PRKN: variants seen among roughly 807,000 people sequenced by gnomAD.
PRKN encodes the protein parkin RBR E3 ubiquitin protein ligase, also known as E3 ubiquitin-protein ligase parkin.
Under a neutral mutation model 59.5 loss-of-function variants are expected in PRKN, and 56 were observed. The ratio of observed to expected loss-of-function variants is 0.94; its 90% CI spans 0.76 to 1.18. The LOEUF (loss-of-function observed/expected upper bound fraction) is 1.18, where lower values mean the gene tolerates loss of function less well. Among genes scored for constraint, PRKN ranks in the 50% most tolerant of loss-of-function variants. The pLI is 0.00. For synonymous variants in PRKN, 250 were observed against 222.1 expected, an observed-to-expected ratio of 1.13 and a Z score of -1.12; for missense variants, 657 against 596.4, an observed-to-expected ratio of 1.10 and a Z score of -1.06.
intron 4 of PRKN, among the ~76,000 whole-genome samples, chr6:162,082,367 T>C (rs1034769609): frequency 2.0e-5 from 3 of 152,072 alleles, no homozygotes; most frequent in Non-Finnish European, 4.4e-5. Flanking sequence ...TTGCCTAGTC[T>C]CAGGTATATC....
intron 3 of PRKN, among the ~76,000 whole-genome samples, chr6:162,255,387 A>C (rs897842660): frequency 3.3e-5 from 5 of 152,230 alleles, no homozygotes; most frequent in African/African-American, 1.2e-4. Context: ...ATCTGACATC[A>C]ACTTCATGAG....
At chr6:162,018,180 C>A (rs1783000405) in intron 5 of PRKN, among the ~76,000 whole-genome samples, 1 of 152,156 alleles carries the variant, frequency 6.6e-6, no homozygotes, top group African/African-American at 2.4e-5. Flanking sequence ...GCGCCCATCG[C>A]CATGCCCGGC....
chr6:162,488,829 G>A (rs1231159442), intron 1 of PRKN, among the ~76,000 whole-genome samples: 1 of 152,134 alleles, frequency 6.6e-6, no homozygotes, highest in Admixed American at 6.5e-5. Context: ...GTCAAGCAAT[G>A]AAAGGGTCCT....
At chr6:162,033,747 T>C (rs1783729841) in intron 5 of PRKN, among the ~76,000 whole-genome samples, 1 of 152,208 alleles carries the variant, frequency 6.6e-6, no homozygotes, top group South Asian at 2.1e-4. Context: ...TTTGGAAAAC[T>C]GTGTGAGTTA....
chr6:161,750,355 A>G (rs1788634817), intron 7 of PRKN, among the ~76,000 whole-genome samples: 3 of 152,070 alleles, frequency 2.0e-5, no homozygotes, highest in Non-Finnish European at 2.9e-5. Flanking sequence ...ATTGACATCT[A>G]TTTCTGAATA....
chr6:162,235,970 A>AAAGG (rs1212175472), intron 3 of PRKN, among the ~76,000 whole-genome samples: 2 of 69,170 alleles, frequency 2.9e-5, no homozygotes, highest in Admixed American at 1.5e-4. Flanking sequence ...AGAAAGAAAG[A>AAAGG]AAGAAAGAAA....
chr6:162,362,934 C>T (rs2128134399), intron 2 of PRKN, among the ~76,000 whole-genome samples: 1 of 151,880 alleles, frequency 6.6e-6, no homozygotes, highest in South Asian at 2.1e-4. Flanking sequence ...CGAGACCATC[C>T]TGACTAACAC....
intron 2 of PRKN, among the ~76,000 whole-genome samples, chr6:162,287,055 C>G (rs1295713300): frequency 6.6e-6 from 1 of 152,164 alleles, no homozygotes; most frequent in Non-Finnish European, 1.5e-5. Context: ...TTAAGATGAA[C>G]CCTCCAATTC....
intron 1 of PRKN, among the ~76,000 whole-genome samples, chr6:162,635,490 C>G (rs1444515581): frequency 6.6e-6 from 1 of 152,120 alleles, no homozygotes. Flanking sequence ...GTTAGTGTTT[C>G]TGATGCCATT....
intron 9 of PRKN, among the ~76,000 whole-genome samples, chr6:161,430,123 G>A (rs570284452): frequency 3.9e-5 from 6 of 152,290 alleles, no homozygotes; most frequent in South Asian, 2.1e-4. Flanking sequence ...ATAATGGGCC[G>A]TGAGCAGGAC....
At chr6:161,680,821 A>T (rs1785333708) in intron 7 of PRKN, among the ~76,000 whole-genome samples, 2 of 142,886 alleles carry the variant, frequency 1.4e-5, no homozygotes, top group Non-Finnish European at 3.0e-5. Context: ...AAAGGTACTA[A>T]GCAGCTTACT....
intron 7 of PRKN, among the ~76,000 whole-genome samples, chr6:161,668,771 G>A (rs1784809378): frequency 6.6e-6 from 1 of 152,172 alleles, no homozygotes; most frequent in African/African-American, 2.4e-5. Context: ...ACAATCCTAT[G>A]GCGCAGGAAG....
At chr6:162,269,781 A>G (rs1452992689) in intron 2 of PRKN, among the ~76,000 whole-genome samples, 1 of 152,168 alleles carries the variant, frequency 6.6e-6, no homozygotes, top group African/African-American at 2.4e-5. Context: ...GTTTAATATC[A>G]CTAGTGATCA....
intron 2 of PRKN, among the ~76,000 whole-genome samples, chr6:162,424,536 C>G (rs530578180): frequency 1.1e-4 from 16 of 151,980 alleles, no homozygotes; most frequent in African/African-American, 3.4e-4. Context: ...GAGTTCAAGA[C>G]CAGCCTGGCC....
At chr6:162,338,975 C>T (rs1248970935) in intron 2 of PRKN, among the ~76,000 whole-genome samples, 1 of 150,932 alleles carries the variant, frequency 6.6e-6, no homozygotes, top group Non-Finnish European at 1.5e-5. Context: ...GCGTCTCTGC[C>T]CGGCCACCCT....
At chr6:162,695,080 TGAG>T (rs1777919821) in intron 1 of PRKN, 1 of 152,156 alleles carries the variant, frequency 6.6e-6, no homozygotes, top group Non-Finnish European at 1.5e-5. Flanking sequence ...CAGATAGAAA[TGAG>T]GAGAAATTGA....
chr6:162,449,957 G>A (rs1790510431), intron 1 of PRKN, among the ~76,000 whole-genome samples: 1 of 152,226 alleles, frequency 6.6e-6, no homozygotes, highest in Non-Finnish European at 1.5e-5. Flanking sequence ...CACAGCTTTA[G>A]GCTTGAAGCC....
chr6:162,202,944 T>G (rs957985850), intron 3 of PRKN, among the ~76,000 whole-genome samples: 2 of 152,152 alleles, frequency 1.3e-5, no homozygotes, highest in Non-Finnish European at 2.9e-5. Context: ...TCACAATTTT[T>G]ATAACCTTTT....
At chr6:162,121,201 C>T (rs1377862334) in intron 4 of PRKN, among the ~76,000 whole-genome samples, 1 of 152,264 alleles carries the variant, frequency 6.6e-6, no homozygotes, top group East Asian at 1.9e-4. Flanking sequence ...CTCAAACTAA[C>T]TATACTGACA....
Sources: gnomAD v4.1 joint callset for allele counts (sites outside exome capture counted in the v4.1 genomes callset) on GRCh38, gnomAD v4.1.1 for gene constraint, MANE v1.5 for transcripts, NCBI Gene and HGNC (gene_info 2026-07-23, HGNC 2026-07-21) for gene names.